The following TBX4 variants were observed in gnomAD, a reference collection of about 807,000 sequenced individuals.
The protein encoded by TBX4 is T-box transcription factor TBX4.
In TBX4, 13 loss-of-function variants were observed where a neutral mutation model predicts 54.6. The ratio of observed to expected loss-of-function variants is 0.24; its 90% CI spans 0.15 to 0.38. The LOEUF (loss-of-function observed/expected upper bound fraction) is 0.38. Among genes scored for constraint, TBX4 ranks in the 10% least tolerant of loss-of-function variants. The probability of loss-of-function intolerance (pLI) is 1.00; values close to 1 mark genes in which losing one functional copy is unlikely to be tolerated. For synonymous variants in TBX4, 314 were observed against 306.7 expected (o/e 1.02, Z -0.25); for missense variants, 631 against 728.5 (o/e 0.87, Z 1.54).
In TBX4 at chr17:61,467,541, C is replaced by G; in HGVS notation, c.433C>G (p.Pro145Ala). 1 of 1,614,170 alleles carries G rather than the reference C, an allele frequency of 6.2e-7. No homozygotes were observed. Among genetic ancestry groups the G allele is most frequent in the Non-Finnish European group, 8.5e-7 (1 of 1,180,050 alleles). The change falls in exon 5 of 9, where the codon CCA becomes GCA. Residue 145 changes from proline (P) to alanine (A), a missense_variant. By Grantham distance (27) the Pro-to-Ala change is conservative. Around this residue, in one of 3 missense-constraint regions of TBX4, gnomAD observed 154 missense variants for 238.6 expected, o/e 0.65. Coordinates refer to ENST00000644296, the MANE Select transcript of TBX4 (RefSeq NM_001321120.2). ...GGCAGGGAAGGCTGAGCCAGCCATG[C>G]CAGGAAGGCTGTATGTCCACCCGGA... is the stretch of plus-strand genomic sequence containing the variant. ...MVAGKAEPAM[P>A]GRLYVHPDSP...
chr17:61,452,945 A>G, intron 1 of TBX4: 1 of 985,464 alleles, frequency 1.0e-6, no homozygotes, highest in Non-Finnish European at 1.2e-6. Context: ...TGCAAGGCCA[A>G]GGAAGAGGGC....
rs2060524753 is a variant in TBX4 at position 61,465,030 on chromosome 17, T to A, written c.282-789T>A. Among the ~76,000 whole-genome samples the A allele has an allele frequency of 6.6e-6, 1 of 152,102 alleles. No homozygotes were observed. Among genetic ancestry groups the A allele is most frequent in the Non-Finnish European group, 1.5e-5 (1 of 68,006 alleles). On this transcript the variant is annotated intron_variant, in intron 3 of 8. Coordinates refer to ENST00000644296, the MANE Select transcript of TBX4 (RefSeq NM_001321120.2). This position sits in a 1 kb window ranked among gnomAD's most constrained non-coding sequence, Gnocchi z 4.9. The stretch of plus-strand genomic sequence containing the variant: ...GGTAATGTTATCCTCATTTTAGAGA[T>A]AAGGAAACCAAGGCACAGAGAGGTT...
intron 1 of TBX4, among the ~76,000 whole-genome samples, chr17:61,453,596 A>G (rs1357218562): frequency 1.3e-5 from 2 of 152,218 alleles, no homozygotes; most frequent in African/African-American, 4.8e-5. Flanking sequence ...GAAGTATTGT[A>G]CCAATGTGAT....
Position 61,479,769 on chromosome 17 carries a change from G to A in TBX4, c.703-112G>A. The A allele has an allele frequency of 8.8e-7, 1 of 1,141,810 alleles. No individual in the cohort carries two copies. Among genetic ancestry groups the A allele is most frequent in the Non-Finnish European group, 1.3e-6 (1 of 754,906 alleles). The allele number at this position is 1,141,810 out of a possible 1,614,324, so 70.7% of individuals were successfully genotyped here. On this transcript the variant is annotated intron_variant, in intron 6 of 8. Coordinates refer to ENST00000644296, the MANE Select transcript of TBX4 (RefSeq NM_001321120.2). The surrounding 1 kb of genome is among the most constrained non-coding windows in gnomAD (Gnocchi z 6.1). The stretch of plus-strand genomic sequence containing the variant: ...GGTAGTGAGAAGCGGTGAGGCTGGA[G>A]AGCGACCCCTGAGGGAGGGAGGTTA...
In TBX4 at chr17:61,480,366, G is replaced by A; in HGVS notation, c.1021+47G>A. 1 of 1,501,932 alleles carries A rather than the reference G, an allele frequency of 6.7e-7. No individual in the cohort carries two copies. 93.0% of individuals were successfully genotyped at this position (1,501,932 alleles called of 1,614,324 possible). A position where few individuals can be genotyped will look rare whatever the true frequency, so the allele number is the denominator to read the frequency against. On this transcript the variant is annotated intron_variant, in intron 8 of 8. Transcript: ENST00000644296. This position sits in a 1 kb window ranked among gnomAD's most constrained non-coding sequence, Gnocchi z 6.2. ...AGCCCTAGAGGGTAAGAGGAGCGGT[G>A]AGGTTCTCCCCGAAACCACTCTGCA...
chr17:61,459,325 C>A lies in TBX4; in HGVS notation c.281+1694C>A, dbSNP rs1182369574. Among the ~76,000 whole-genome samples the A allele has an allele frequency of 6.6e-6, 1 of 152,204 alleles. No homozygotes were observed. Among genetic ancestry groups the A allele is most frequent in the African/African-American group, 2.4e-5 (1 of 41,456 alleles). On this transcript the variant is annotated intron_variant, in intron 3 of 8. Transcript: ENST00000644296. The surrounding 1 kb of genome is among the most constrained non-coding windows in gnomAD (Gnocchi z 4.8). ...TTTTCTATCACTGTGAAACTCAAAC[C>A]AGGGAATCACGTGGATGATGGTTGG...
At chr17:61,471,066 A>T (rs560457826) in intron 5 of TBX4, among the ~76,000 whole-genome samples, 1 of 152,330 alleles carries the variant, frequency 6.6e-6, no homozygotes, top group South Asian at 2.1e-4. Context: ...GAGGGGCTGC[A>T]TTAGCCCCTG....
chr17:61,465,189 G>T lies in TBX4; in HGVS notation c.282-630G>T, dbSNP rs1212863069. 6.6e-6 allele frequency among the ~76,000 whole-genome samples: 1 copy of T among 152,128 alleles called. No individual in the cohort carries two copies. On this transcript the variant is annotated intron_variant, in intron 3 of 8. Transcript: ENST00000644296. The surrounding 1 kb of genome is among the most constrained non-coding windows in gnomAD (Gnocchi z 4.9). ...CTGATACTCAGGGTGCACAGGTCCA[G>T]GTGAGGTGTTCACAGGGAGAAGTAC... is the stretch of plus-strand genomic sequence containing the variant.
At chr17:61,454,349 G>A (rs1430686025) in intron 1 of TBX4, among the ~76,000 whole-genome samples, 2 of 152,284 alleles carry the variant, frequency 1.3e-5, no homozygotes, top group African/African-American at 4.8e-5. Flanking sequence ...GCAGCTGAAA[G>A]CAACAGACCC....
rs544096895 is a variant in TBX4, at chr17:61,461,472, A to G, written c.281+3841A>G. ...CTCCTGAAAAGCCCCCACGGACATC[A>G]GGGTTGGAGAAACAAAGGGTTTTAA... On this transcript the variant is annotated intron_variant, in intron 3 of 8. Transcript: ENST00000644296. This position sits in a 1 kb window ranked among gnomAD's most constrained non-coding sequence, Gnocchi z 5.1. Among the ~76,000 whole-genome samples, 12 of 152,230 alleles carry G rather than the reference A, an allele frequency of 7.9e-5. No homozygotes were observed. Among genetic ancestry groups the G allele is most frequent in the African/African-American group, 2.9e-4 (12 of 41,550 alleles).
Position 61,483,191 on chromosome 17 carries a change from C to G in TBX4, c.1316C>G (p.Pro439Arg). ...SYSVQTMETV[P>R]YQPFPTHFTA... ...AGCGTGCAGACGATGGAGACTGTGC[C>G]GTACCAGCCCTTCCCCACGCACTTC... Residue 439 changes from proline to arginine, a missense_variant, in exon 9 of 9, where the codon CCG becomes CGG. This residue lies in a region of TBX4 where 354 missense variants were observed against 368.9 expected (regional missense o/e 0.96). Coordinates refer to ENST00000644296, the MANE Select transcript of TBX4 (RefSeq NM_001321120.2). The surrounding 1 kb of genome is among the most constrained non-coding windows in gnomAD (Gnocchi z 6.6). 5.0e-6 allele frequency: 8 copies of G among 1,614,136 alleles called. No individual in the cohort carries two copies. The highest frequency in any genetic ancestry group is 5.9e-6 in the Non-Finnish European group (7 of 1,180,018).
rs1195569488 is a variant in TBX4, at chr17:61,461,724, GC to G, written c.282-4091del. Among the ~76,000 whole-genome samples the G allele has an allele frequency of 6.6e-6, 1 of 151,984 alleles. No individual in the cohort carries two copies. The highest frequency in any genetic ancestry group is 2.4e-5 in the African/African-American group (1 of 41,382). On this transcript the variant is annotated intron_variant, in intron 3 of 8. Transcript: ENST00000644296. The surrounding 1 kb of genome is among the most constrained non-coding windows in gnomAD (Gnocchi z 5.1). ...AAAGAAATAGATCATCACCACCACC[GC>G]CCCAGAATCCTTCTTGTGTGCCTGC...
Position 61,476,722 on chromosome 17 carries a change from C to T in TBX4, c.550-1905C>T, listed in dbSNP as rs781510275. Among the ~76,000 whole-genome samples the T allele has an allele frequency of 9.9e-5, 15 of 152,208 alleles. No individual in the cohort carries two copies. Among genetic ancestry groups the T allele is most frequent in the Non-Finnish European group, 1.8e-4 (12 of 68,036 alleles). ...GGGTTTGGGAGTTATGTACTTGCCTCGTGAAGGTCTGGAGGTTTGTCACTG... is the reference window on the plus strand; with the variant it reads ...GGGTTTGGGAGTTATGTACTTGCCTTGTGAAGGTCTGGAGGTTTGTCACTG... On this transcript the variant is annotated intron_variant, in intron 5 of 8. Coordinates refer to ENST00000644296, the MANE Select transcript of TBX4 (RefSeq NM_001321120.2). This position sits in a 1 kb window ranked among gnomAD's most constrained non-coding sequence, Gnocchi z 6.5.
chr17:61,479,756 C>T lies in TBX4; in HGVS notation c.703-125C>T, dbSNP rs541685528. Reference sequence around the variant, plus strand: ...CCTCCCCAAGGAGGGTAGTGAGAAGCGGTGAGGCTGGAGAGCGACCCCTGA... The same window carrying T: ...CCTCCCCAAGGAGGGTAGTGAGAAGTGGTGAGGCTGGAGAGCGACCCCTGA... On this transcript the variant is annotated intron_variant, in intron 6 of 8. Transcript: ENST00000644296. The surrounding 1 kb of genome is among the most constrained non-coding windows in gnomAD (Gnocchi z 6.1). 2.4e-5 allele frequency: 23 copies of T among 976,684 alleles called. No individual in the cohort carries two copies. The highest frequency in any genetic ancestry group is 4.0e-5 in the South Asian group (3 of 74,588). 60.5% of individuals were successfully genotyped at this position (976,684 alleles called of 1,614,324 possible). A position where few individuals can be genotyped will look rare whatever the true frequency, so the allele number is the denominator to read the frequency against.
rs1295930432 is a variant in TBX4 at position 61,483,215 on chromosome 17, T to G, written c.1340T>G (p.Phe447Cys). ...CCGTACCAGCCCTTCCCCACGCACT[T>G]CACCGCCACCACCATGATGCCGCGG... Reference protein sequence around the residue: ...TVPYQPFPTHFTATTMMPRLP... With the variant: ...TVPYQPFPTHCTATTMMPRLP... Residue 447 changes from phenylalanine to cysteine, a missense_variant, in exon 9 of 9, where the codon TTC becomes TGC. Phe to Cys is a radical substitution (Grantham distance 205). Transcript: ENST00000644296. This position sits in a 1 kb window ranked among gnomAD's most constrained non-coding sequence, Gnocchi z 6.6. The G allele has an allele frequency of 6.2e-7, 1 of 1,614,024 alleles. No homozygotes were observed. Among genetic ancestry groups the G allele is most frequent in the African/African-American group, 1.3e-5 (1 of 74,924 alleles).
At chr17:61,477,596 C>G (rs550731552) in intron 5 of TBX4, among the ~76,000 whole-genome samples, 1 of 152,332 alleles carries the variant, frequency 6.6e-6, no homozygotes, top group South Asian at 2.1e-4. Flanking sequence ...AGGCAGGATA[C>G]ATTTGGGTCT....
rs148424252 is a variant in TBX4, at chr17:61,456,594, C to T, written c.104C>T (p.Ala35Val). ...SAANAPEPAL[A>V]APGLSGAALG... ...GCCAACGCCCCCGAGCCCGCGCTGGCAGCGCCGGGCCTCAGCGGAGCCGCG... is the reference window on the plus strand; with the variant it reads ...GCCAACGCCCCCGAGCCCGCGCTGGTAGCGCCGGGCCTCAGCGGAGCCGCG... Residue 35 changes from alanine (A) to valine (V), a missense_variant, in exon 2 of 9, where the codon GCA becomes GTA. Ala to Val is a moderately conservative substitution (Grantham distance 64). Transcript: ENST00000644296. 17,693 of 1,527,750 alleles carry T rather than the reference C, an allele frequency of 0.012. 142 individuals are homozygous for T. Among genetic ancestry groups the T allele is most frequent in the Non-Finnish European group, 0.013 (15,262 of 1,136,526 alleles). 94.6% of individuals were successfully genotyped at this position (1,527,750 alleles called of 1,614,324 possible).
Position 61,483,342 on chromosome 17 carries a change from C to T in TBX4, c.1467C>T (p.Ser489=), listed in dbSNP as rs143608018. The change falls in exon 9 of 9, where the codon AGC becomes AGT. Residue 489 remains serine, a synonymous_variant. Coordinates refer to ENST00000644296, the MANE Select transcript of TBX4 (RefSeq NM_001321120.2). This position sits in a 1 kb window ranked among gnomAD's most constrained non-coding sequence, Gnocchi z 6.6. ...SQSQVRERGP[S]ASFPRERGLP... ...CTCAGGTCCGAGAGCGGGGGCCCAG[C>T]GCCTCATTCCCAAGAGAGCGCGGCC... 2.9e-5 allele frequency: 47 copies of T among 1,609,200 alleles called. No homozygotes were observed. The highest frequency in any genetic ancestry group is 3.6e-5 in the Non-Finnish European group (42 of 1,176,374).
chr17:61,484,472 G>A lies in TBX4; in HGVS notation c.*956G>A, dbSNP rs1391736673. 6.6e-6 allele frequency: 1 copy of A among 152,138 alleles called. No individual in the cohort carries two copies. The highest frequency in any genetic ancestry group is 1.5e-5 in the Non-Finnish European group (1 of 68,020). 9.4% of individuals were successfully genotyped at this position (152,138 alleles called of 1,614,324 possible). On this transcript the variant is annotated 3_prime_UTR_variant, in exon 9 of 9. Transcript: ENST00000644296. This position sits in a 1 kb window ranked among gnomAD's most constrained non-coding sequence, Gnocchi z 4.1. ...CTGGAGCTGATGTCTGGCATCTCCAGGGCCTGTTCTGCTCTCAGAAAATCT... is the reference window on the plus strand; with the variant it reads ...CTGGAGCTGATGTCTGGCATCTCCAAGGCCTGTTCTGCTCTCAGAAAATCT...
Sources: allele counts gnomAD v4.1 joint callset (sites outside exome capture counted in the v4.1 genomes callset), GRCh38; gene constraint gnomAD v4.1.1; regional missense constraint gnomAD v4.1.1; non-coding constraint Gnocchi (gnomAD v3.1); transcripts MANE v1.5; gene names NCBI Gene and HGNC (gene_info 2026-07-23, HGNC 2026-07-21).